The following ZNF814 variants were observed in gnomAD, a reference collection of about 807,000 sequenced individuals.
ZNF814 encodes the protein zinc finger protein 814.
In ZNF814, 5 loss-of-function variants were observed where a neutral mutation model predicts 7.5. The observed-to-expected ratio is 0.67, with a 90% confidence interval of 0.35 to 1.40. The LOEUF is 1.40. ZNF814 is among the 40% of genes most tolerant of loss of function. The pLI, the probability that ZNF814 is intolerant of heterozygous loss-of-function variation, is 0.04. For missense variants in ZNF814, 962 were observed against 1,018.0 expected, an observed-to-expected ratio of 0.94 and a Z score of 0.75; for synonymous variants, 315 against 340.7, an observed-to-expected ratio of 0.92 and a Z score of 0.83.
chr19:57,893,893 G>A (rs1236610137), upstream of ZNF814, among the ~76,000 whole-genome samples: 4 of 150,254 alleles, frequency 2.7e-5, no homozygotes, highest in Non-Finnish European at 4.4e-5. Flanking sequence ...GCACTCCAGC[G>A]TGGGTGGCAG....
the ZNF814 span, among the ~76,000 whole-genome samples, chr19:57,894,830 T>C: frequency 6.7e-6 from 1 of 149,336 alleles, no homozygotes; most frequent in African/African-American, 2.5e-5. Context: ...CGAGACTCCG[T>C]CTCAGAAAAA....
the ZNF814 span, among the ~76,000 whole-genome samples, chr19:57,895,958 G>T: frequency 3.3e-5 from 5 of 152,168 alleles, no homozygotes; most frequent in African/African-American, 1.2e-4. Context: ...AGTCAGAGGA[G>T]GAATGCGTCC....
chr19:57,872,534 A>G lies in ZNF814; in HGVS notation c.*288T>C, dbSNP rs1349867404. On this transcript the variant is annotated 3_prime_UTR_variant, in exon 3 of 3. Coordinates refer to ENST00000435989, the MANE Select transcript of ZNF814 (RefSeq NM_001144989.2). ...ACTCTCTGATATTCAAGGAGAAAAG[A>G]CCTTCAGGTAACTTTTTTCCCACAT... The G allele has an allele frequency of 1.4e-6, 1 of 699,086 alleles. No homozygotes were observed. The highest frequency in any genetic ancestry group is 2.8e-5 in the Admixed American group (1 of 35,710). The allele number at this position is 699,086 out of a possible 1,614,324, so 43.3% of individuals were successfully genotyped here.
In ZNF814 at chr19:57,876,965, G is replaced by C. The variant is rs769583602; in HGVS notation, c.114C>G (p.Cys38Trp). ...EWNLLSEAQRCLYRDVTLENL... is the reference protein window; with the variant it reads ...EWNLLSEAQRWLYRDVTLENL... ...TCTCCAGCGTCACATCACGGTACAG[G>C]CATCTCTGAGCCTCACTAAGGAGAT... Residue 38 changes from cysteine (C) to tryptophan (W), a missense_variant, in exon 2 of 3, where the codon TGC (cysteine) becomes TGG (tryptophan). Physicochemically the swap from Cys to Trp is radical, Grantham distance 215. Coordinates refer to ENST00000435989, the MANE Select transcript of ZNF814 (RefSeq NM_001144989.2). The C allele has an allele frequency of 3.1e-6, 5 of 1,614,140 alleles. No individual in the cohort carries two copies. The highest frequency in any genetic ancestry group is 3.3e-4 in the Middle Eastern group (2 of 6,060).
intron 1 of ZNF814, among the ~76,000 whole-genome samples, chr19:57,886,273 C>T (rs752826976): frequency 6.6e-6 from 1 of 151,928 alleles, no homozygotes; most frequent in African/African-American, 2.4e-5. Flanking sequence ...CCTCCAGGTA[C>T]CCCTCCTTGG....
At chr19:57,903,675 A>G in the ZNF814 span, among the ~76,000 whole-genome samples, 1 of 152,320 alleles carries the variant, frequency 6.6e-6, no homozygotes, top group African/African-American at 2.4e-5. Context: ...TCTGCAATCA[A>G]TTCTCTTAAA....
the ZNF814 span, among the ~76,000 whole-genome samples, chr19:57,899,937 T>A: frequency 6.6e-6 from 1 of 152,182 alleles, no homozygotes; most frequent in African/African-American, 2.4e-5. Context: ...AACAACAAAT[T>A]CAGCAAACTT....
rs1295053627 is a variant in ZNF814, at chr19:57,873,691, G to T, written c.1699C>A (p.Gln567Lys). 5 of 1,613,818 alleles carry T rather than the reference G, an allele frequency of 3.1e-6. No homozygotes were observed. Among genetic ancestry groups the T allele is most frequent in the Non-Finnish European group, 4.2e-6 (5 of 1,179,918 alleles). ...GATCTTTCTCTAGGGTGAACTCGCT[G>T]ATGTAGAATGAGGGTGCCTTTATGA... ...FSHKGTLILH[Q>K]RVHPRERSYG... The change falls in exon 3 of 3, where the codon CAG becomes AAG. Residue 567 changes from glutamine to lysine, a missense_variant. Physicochemically the swap from Gln to Lys is moderately conservative, Grantham distance 53. This residue lies in a region of ZNF814 where 665 missense variants were observed against 551.4 expected (regional missense o/e 1.21). Coordinates refer to ENST00000435989, the MANE Select transcript of ZNF814 (RefSeq NM_001144989.2).
the ZNF814 span, among the ~76,000 whole-genome samples, chr19:57,895,279 C>CTTT: frequency 2.1e-5 from 3 of 141,912 alleles, no homozygotes; most frequent in Admixed American, 7.1e-5. Context: ...TCTTTTCTTT[C>CTTT]TTTTTTTTTT....
chr19:57,875,967 T>TTTTTTTTTG (rs2071603770), intron 2 of ZNF814, among the ~76,000 whole-genome samples: 1 of 126,800 alleles, frequency 7.9e-6, no homozygotes, highest in Admixed American at 8.0e-5. Context: ...TTTTTTTTTT[T>TTTTTTTTTG]TTTTTTTTTT....
chr19:57,891,280 C>T (rs999091123), upstream of ZNF814, among the ~76,000 whole-genome samples: 2 of 152,180 alleles, frequency 1.3e-5, no homozygotes. Flanking sequence ...AATCCCAGCA[C>T]TTTGGGAGGC....
chr19:57,894,229 T>G, the ZNF814 span, among the ~76,000 whole-genome samples: 2 of 148,658 alleles, frequency 1.3e-5, no homozygotes, highest in Non-Finnish European at 3.0e-5. Flanking sequence ...AAAAATTAGC[T>G]GGACATGGTG....
chr19:57,891,853 G>T (rs920520574), upstream of ZNF814, among the ~76,000 whole-genome samples: 1 of 151,954 alleles, frequency 6.6e-6, no homozygotes, highest in Non-Finnish European at 1.5e-5. Context: ...TCCTGGGTTC[G>T]AGCAATTCTT....
Position 57,877,891 on chromosome 19 carries a change from G to A in ZNF814, c.37-849C>T, listed in dbSNP as rs1349840811. The stretch of plus-strand genomic sequence containing the variant: ...ACAAATCAATTGTATTGAGCCAGGC[G>A]CGGTGGCTCACATTTGTAATCCCAG... On this transcript the variant is annotated intron_variant, in intron 1 of 2. Coordinates refer to ENST00000435989, the MANE Select transcript of ZNF814 (RefSeq NM_001144989.2). Among the ~76,000 whole-genome samples the A allele has an allele frequency of 5.9e-5, 9 of 152,192 alleles. No homozygotes were observed. The East Asian group carries it at 1.2e-3, about 20-fold the overall frequency.
At chr19:57,883,428 C>T (rs2071664537) in intron 1 of ZNF814, among the ~76,000 whole-genome samples, 1 of 151,278 alleles carries the variant, frequency 6.6e-6, no homozygotes, top group Admixed American at 6.6e-5. Flanking sequence ...TTTGGGAGGC[C>T]AAGGCGGATG....
At chr19:57,875,687 G>C (rs1257162325) in intron 2 of ZNF814, among the ~76,000 whole-genome samples, 1 of 152,124 alleles carries the variant, frequency 6.6e-6, no homozygotes, top group Admixed American at 6.6e-5. Flanking sequence ...AAATGGATGA[G>C]ATCTGGGGCC....
the ZNF814 span, among the ~76,000 whole-genome samples, chr19:57,901,115 C>T: frequency 4.4e-4 from 66 of 151,584 alleles, no homozygotes; most frequent in South Asian, 8.4e-4. Context: ...GGATTACAGG[C>T]GTGAGCCACC....
upstream of ZNF814, among the ~76,000 whole-genome samples, chr19:57,892,140 G>A (rs1297445361): frequency 6.6e-6 from 1 of 152,136 alleles, no homozygotes; most frequent in Non-Finnish European, 1.5e-5. Flanking sequence ...ACCACCCTGG[G>A]CACATGTTCT....
upstream of ZNF814, chr19:57,889,124 T>C (rs1444921764): frequency 2.3e-6 from 1 of 433,126 alleles, no homozygotes; most frequent in Non-Finnish European, 4.1e-6. Flanking sequence ...AGAGGTCTTC[T>C]ACGCTATCAT....
Sources: allele counts gnomAD v4.1 joint callset (sites outside exome capture counted in the v4.1 genomes callset), GRCh38; gene constraint gnomAD v4.1.1; regional missense constraint gnomAD v4.1.1; transcripts MANE v1.5; gene names NCBI Gene and HGNC (gene_info 2026-07-23, HGNC 2026-07-21).